Variants in NLRP7 observed in about 807,000 individuals in gnomAD.
The protein encoded by NLRP7 is NACHT, LRR and PYD domains-containing protein 7.
A neutral mutation model predicts 85.5 loss-of-function variants in NLRP7; 72 were observed. That is an observed-to-expected ratio of 0.84 (90% CI 0.70 to 1.02). The LOEUF (loss-of-function observed/expected upper bound fraction) is 1.02, where lower values mean the gene tolerates loss of function less well. Ranked by LOEUF, NLRP7 falls within the 50% of genes least tolerant of loss-of-function variation. NLRP7 has a pLI of 0.00. For synonymous variants in NLRP7, 550 were observed against 505.2 expected (o/e 1.09, Z -1.19); for missense variants, 1,243 against 1,219.5 (o/e 1.02, Z -0.29).
intron 1 of NLRP7, among the ~76,000 whole-genome samples, chr19:54,962,579 TC>T (rs2070084893): frequency 6.7e-6 from 1 of 148,782 alleles, no homozygotes; most frequent in Admixed American, 6.7e-5. Flanking sequence ...CCCCTCATTT[TC>T]TTTTCTTTCT....
intron 1 of NLRP7, among the ~76,000 whole-genome samples, chr19:54,963,919 C>T (rs894553084): frequency 1.3e-5 from 2 of 149,634 alleles, no homozygotes; most frequent in African/African-American, 2.4e-5. Flanking sequence ...CTCACTCTGT[C>T]GCCCAGGGTG....
At chr19:54,964,577 C>A (rs2146299056) in intron 1 of NLRP7, among the ~76,000 whole-genome samples, 1 of 152,042 alleles carries the variant, frequency 6.6e-6, no homozygotes, top group South Asian at 2.1e-4. Flanking sequence ...AATCCCAGCA[C>A]TTTAGGAGGC....
exon 8 of NLRP7, chr19:54,933,700 G>C: frequency 6.2e-7 from 1 of 1,614,194 alleles, no homozygotes; most frequent in East Asian, 2.2e-5. Flanking sequence ...CAGCAGCAAG[G>C]TCCTTGCAAC....
exon 2 of NLRP7, chr19:54,941,625 T>G (rs775151444): frequency 6.2e-7 from 1 of 1,614,024 alleles, no homozygotes; most frequent in Non-Finnish European, 8.5e-7. Context: ...GAAAAGCCCA[T>G]AAAAGGGATT....
upstream of NLRP7, chr19:54,947,735 T>G (rs892921970): frequency 4.1e-6 from 4 of 987,612 alleles, no homozygotes. Context: ...TCTCCCCAGG[T>G]GAGATTAATG....
chr19:54,964,285 C>G (rs1282163674), intron 1 of NLRP7, among the ~76,000 whole-genome samples: 1 of 133,168 alleles, frequency 7.5e-6, no homozygotes, highest in African/African-American at 2.9e-5. Flanking sequence ...GGCGCGATCT[C>G]GGCTCACTGC....
chr19:54,952,076 C>T (rs1020329971), upstream of NLRP7, among the ~76,000 whole-genome samples: 1 of 152,182 alleles, frequency 6.6e-6, no homozygotes, highest in Non-Finnish European at 1.5e-5. Context: ...TGTATCTGCA[C>T]GGTTCCTACA....
At position 54,933,865 on chromosome 19, in the gene NLRP7, T is replaced by C. The variant is rs7245955; in HGVS notation, c.2472-126A>G. ...CCTGTTCATCCCCTGCCCTCTGTCC[T>C]GTGGGAGTCATCATGGCCACAAAAG... On this transcript the variant is annotated intron_variant, in intron 7 of 9. Transcript: ENST00000340844. 6.5e-3 allele frequency: 5,370 copies of C among 828,930 alleles called. 172 individuals carry two copies. In the African/African-American group the frequency reaches 0.07, roughly 11 times the overall value. 51.3% of individuals were successfully genotyped at this position (828,930 alleles called of 1,614,324 possible). A position where few individuals can be genotyped will look rare whatever the true frequency, so the allele number is the denominator to read the frequency against.
chr19:54,927,833 T>G, intron 9 of NLRP7, 58 bp from the exon 10 acceptor site: 1 of 1,490,638 alleles, frequency 6.7e-7, no homozygotes, highest in Non-Finnish European at 9.3e-7. Flanking sequence ...GGCTCAAGCG[T>G]GTAATCCCAA....
At chr19:54,954,528 C>CAAAAA (rs35846819) in intron 1 of NLRP7, among the ~76,000 whole-genome samples, 1 of 47,516 alleles carries the variant, frequency 2.1e-5, no homozygotes, top group African/African-American at 7.7e-5. Context: ...GACTCCGTCT[C>CAAAAA]AAAAAAAAAA....
At chr19:54,947,763 AC>A, upstream of NLRP7, 1 of 747,278 alleles carries the variant, frequency 1.3e-6, no homozygotes, top group Non-Finnish European at 2.0e-6. Flanking sequence ...CCCTTCCTAG[AC>A]CACCCGGGCC....
At chr19:54,945,021 C>A (rs1479088900) in intron 1 of NLRP7, among the ~76,000 whole-genome samples, 1 of 151,714 alleles carries the variant, frequency 6.6e-6, no homozygotes, top group East Asian at 2.0e-4. Context: ...GGGCAGATCA[C>A]AAGGTGAGGA....
intron 1 of NLRP7, among the ~76,000 whole-genome samples, chr19:54,954,159 T>C (rs1216551555): frequency 6.7e-6 from 1 of 149,138 alleles, no homozygotes; most frequent in Admixed American, 6.7e-5. Flanking sequence ...GTCAGGAAGT[T>C]ACCCTATGCT....
chr19:54,926,873 G>A lies in NLRP7; in HGVS notation c.2811-3001C>T, dbSNP rs545811632. Among the ~76,000 whole-genome samples, 248 of 144,868 alleles carry A rather than the reference G, an allele frequency of 1.7e-3. 1 individual carries two copies. The highest frequency in any genetic ancestry group is 3.5e-3 in the Admixed American group (49 of 14,030). ...AGAGGTTGCACTGAGCCGAGATAGC[G>A]CCACTGCACTCCAGCCTGGGGGACA... On this transcript the variant is annotated intron_variant, in intron 9 of 9. Transcript: ENST00000340844.
In NLRP7 at chr19:54,960,958, G is replaced by T. The variant is rs371025689; in HGVS notation, c.-77+5082C>A. Among the ~76,000 whole-genome samples the T allele has an allele frequency of 9.2e-5, 14 of 152,064 alleles. No individual in the cohort carries two copies. In the East Asian group the frequency reaches 2.7e-3, roughly 29 times the overall value. ...AAAAAATATTCTATATAATTCCAAG[G>T]TCAAAGAAGAAATAACAAAGGGCAT... On this transcript the variant is annotated intron_variant, in intron 1 of 2. Transcript: ENST00000587103.
intron 1 of NLRP7, among the ~76,000 whole-genome samples, chr19:54,964,719 G>T (rs2070265674): frequency 6.9e-6 from 1 of 144,492 alleles, no homozygotes; most frequent in Admixed American, 6.8e-5. Context: ...TCAGCTACTC[G>T]GGAGGCTGAG....
At chr19:54,940,826 CAAA>C (rs11290760) in intron 3 of NLRP7, 102 bp downstream of exon 3, 25 of 759,440 alleles carry the variant, frequency 3.3e-5, no homozygotes, top group Non-Finnish European at 4.1e-5. Flanking sequence ...GATTCCGTCT[CAAA>C]AAAAAAAAAA....
At chr19:54,937,143 G>A (rs1029045107) in intron 5 of NLRP7, among the ~76,000 whole-genome samples, 5 of 149,156 alleles carry the variant, frequency 3.4e-5, no homozygotes, top group Admixed American at 6.7e-5. Flanking sequence ...GCATGAACCC[G>A]GGAGGCAGGG....
At chr19:54,955,052 G>A (rs2069807131) in intron 1 of NLRP7, among the ~76,000 whole-genome samples, 2 of 151,004 alleles carry the variant, frequency 1.3e-5, no homozygotes, top group Admixed American at 1.3e-4. Context: ...TGGTGGCCGG[G>A]CGCGGTGGCT....
Sources: gnomAD v4.1 joint callset for allele counts (sites outside exome capture counted in the v4.1 genomes callset) on GRCh38, gnomAD v4.1.1 for gene constraint, MANE v1.5 for transcripts, NCBI Gene and HGNC (gene_info 2026-07-23, HGNC 2026-07-21) for gene names.